Variants in CAGE1 observed in about 807,000 individuals in gnomAD.
CAGE1 encodes cancer antigen 1, also known as cancer-associated gene 1 protein.
A neutral mutation model predicts 94.9 loss-of-function variants in CAGE1; 66 were observed. The ratio of observed to expected loss-of-function variants is 0.70; its 90% CI spans 0.57 to 0.85. CAGE1 has a LOEUF of 0.85. Ranked by LOEUF, CAGE1 falls within the 40% of genes least tolerant of loss-of-function variation. The pLI is 0.00. For synonymous variants in CAGE1, 319 were observed against 321.0 expected (o/e 0.99, Z 0.07); for missense variants, 865 against 950.4 (o/e 0.91, Z 1.18).
At chr6:7,385,712 G>T in intron 3 of CAGE1, 73 bp downstream of exon 3, 1 of 785,348 alleles carries the variant, frequency 1.3e-6, no homozygotes, top group Non-Finnish European at 2.0e-6. Context: ...CACAAAACCT[G>T]GCTATTGTTA....
chr6:7,354,138 C>A (rs1759874885), intron 11 of CAGE1, among the ~76,000 whole-genome samples: 1 of 151,954 alleles, frequency 6.6e-6, no homozygotes, highest in Middle Eastern at 3.4e-3. Flanking sequence ...TGAGGCAAAG[C>A]AATATCAGCA....
intron 2 of CAGE1, among the ~76,000 whole-genome samples, chr6:7,386,428 C>T (rs1761123033): frequency 6.6e-6 from 1 of 152,132 alleles, no homozygotes; most frequent in Non-Finnish European, 1.5e-5. Flanking sequence ...CATTTATATG[C>T]AGGGTGCTGT....
rs371037742 is a variant in CAGE1, at chr6:7,378,782, A to C, written c.522T>G (p.Asn174Lys). The change falls in exon 4 of 14, where the codon AAT becomes AAG. Residue 174 changes from asparagine to lysine, a missense_variant. Transcript: ENST00000502583. ...AATACTCGTTACCAAGTTGGTCTGT[A>C]TTTGCAGAAACACTAGTTTCCATTG... ...ENPMETSVSA[N>K]TDQLGNEYFR... is the part of the protein sequence containing the mutation. The C allele has an allele frequency of 2.9e-5, 46 of 1,613,788 alleles. No individual in the cohort carries two copies. The highest frequency in any genetic ancestry group is 1.1e-5 in the South Asian group (1 of 91,078).
rs1561862810 is a variant in CAGE1 at position 7,369,956 on chromosome 6, CTG to C, written c.1854_1855del (p.His618GlnfsTer19). 8.7e-6 allele frequency: 14 copies of C among 1,613,776 alleles called. No homozygotes were observed. The highest frequency in any genetic ancestry group is 1.1e-5 in the South Asian group (1 of 91,058). The stretch of plus-strand genomic sequence containing the variant: ...AAGTCCCACCATCAGAGCCAGAAGA[CTG>C]TGCATTTTGGAGGCCAGCTGAGAAG... On this transcript the variant is annotated frameshift_variant, in exon 6 of 14. Coordinates refer to ENST00000502583, the MANE Select transcript of CAGE1 (RefSeq NM_001170692.2). LOFTEE classifies it high-confidence loss of function.
chr6:7,373,548 T>C lies in CAGE1; in HGVS notation c.1271A>G (p.Tyr424Cys), dbSNP rs773283429. The C allele has an allele frequency of 5.0e-6, 8 of 1,613,650 alleles. No individual in the cohort carries two copies. In the South Asian group the frequency reaches 6.6e-5, roughly 13 times the overall value. ...KANYVCLQER[Y>C]MTEMQQKNKS... Reference sequence around the variant, plus strand: ...ATTTTTTTGTTGCATTTCAGTCATGTACCTTTCCTGTAAACACACATAATT... The same window carrying C: ...ATTTTTTTGTTGCATTTCAGTCATGCACCTTTCCTGTAAACACACATAATT... Residue 424 changes from tyrosine (Y) to cysteine (C), a missense_variant, in exon 5 of 14, where the codon TAC becomes TGC. Coordinates refer to ENST00000502583, the MANE Select transcript of CAGE1 (RefSeq NM_001170692.2).
At chr6:7,332,378 G>A (rs1758788553) in intron 12 of CAGE1, among the ~76,000 whole-genome samples, 1 of 152,182 alleles carries the variant, frequency 6.6e-6, no homozygotes, top group South Asian at 2.1e-4. Context: ...TACTCTATCA[G>A]CCCCGAAGAA....
chr6:7,336,800 G>A (rs10458209), intron 11 of CAGE1, among the ~76,000 whole-genome samples: 37,848 of 151,928 alleles, frequency 0.25, 4,909 homozygotes, highest in Middle Eastern at 0.31. Context: ...ATCAGCCACC[G>A]CACGCAGCTG....
At chr6:7,342,254 C>A (rs1236404697) in intron 11 of CAGE1, among the ~76,000 whole-genome samples, 1 of 152,172 alleles carries the variant, frequency 6.6e-6, no homozygotes, top group Non-Finnish European at 1.5e-5. Context: ...CCACTTATGG[C>A]CCCAGACTAT....
chr6:7,345,339 G>A (rs1162990941), intron 11 of CAGE1, among the ~76,000 whole-genome samples: 1 of 148,748 alleles, frequency 6.7e-6, no homozygotes, highest in African/African-American at 2.5e-5. Context: ...AAACCCAGCA[G>A]GATGAAAGAA....
intron 10 of CAGE1, among the ~76,000 whole-genome samples, chr6:7,355,793 G>A (rs1300593832): frequency 6.6e-6 from 1 of 152,176 alleles, no homozygotes; most frequent in Non-Finnish European, 1.5e-5. Context: ...CTTGAGACCA[G>A]GAGGTTGAGA....
At position 7,341,541 on chromosome 6, in the gene CAGE1, A is replaced by C; in HGVS notation, c.2370-7451T>G. The C allele has an allele frequency of 4.9e-6, 6 of 1,226,746 alleles. 1 individual carries two copies. In the South Asian group the frequency reaches 7.2e-5, roughly 15 times the overall value. 76.0% of individuals were successfully genotyped at this position (1,226,746 alleles called of 1,614,324 possible). ...GAAGATTCTGAGGGTTGATTAGCAC[A>C]AGGCCTCGGACCTTTTTCCTCTCAG... On this transcript the variant is annotated intron_variant, in intron 11 of 13. Transcript: ENST00000502583.
At chr6:7,368,857 C>A (rs1760443284) in intron 6 of CAGE1, 59 bp from the exon 7 acceptor site, 2 of 958,604 alleles carry the variant, frequency 2.1e-6, no homozygotes, top group Non-Finnish European at 3.1e-6. Context: ...TAAAATGAGG[C>A]CAAAACTATG....
In CAGE1 at chr6:7,360,342, G is replaced by C. The variant is rs535077349; in HGVS notation, c.2194-4213C>G. On this transcript the variant is annotated intron_variant, in intron 9 of 13. Coordinates refer to ENST00000502583, the MANE Select transcript of CAGE1 (RefSeq NM_001170692.2). ...GTTACTGAGGCCCTCTATGATTTGA[G>C]GTGCCAGGCCAGGTGGCCTGGCCAT... is the stretch of plus-strand genomic sequence containing the variant. Among the ~76,000 whole-genome samples, 7 of 152,248 alleles carry C rather than the reference G, an allele frequency of 4.6e-5. No individual in the cohort carries two copies. In the South Asian group the frequency reaches 6.2e-4, roughly 14 times the overall value.
intron 9 of CAGE1, among the ~76,000 whole-genome samples, chr6:7,360,536 G>A (rs753308756): frequency 6.6e-6 from 1 of 152,152 alleles, no homozygotes; most frequent in Non-Finnish European, 1.5e-5. Context: ...CATGAACAGT[G>A]GATAAATCAG....
At chr6:7,336,583 C>T (rs1463311500) in intron 11 of CAGE1, among the ~76,000 whole-genome samples, 2 of 152,184 alleles carry the variant, frequency 1.3e-5, no homozygotes, top group Non-Finnish European at 2.9e-5. Flanking sequence ...AATCTCAGCT[C>T]ACTGCAACCT....
Position 7,373,071 on chromosome 6 carries a change from A to G in CAGE1, c.1746+2T>C. On this transcript the variant is annotated splice_donor_variant, in intron 5 of 13. Coordinates refer to ENST00000502583, the MANE Select transcript of CAGE1 (RefSeq NM_001170692.2). LOFTEE classifies it high-confidence loss of function. ...TTAGAGATTTAGAATGTGTATCAAT[A>G]CCTTGGTAATATCTGACTTCAAGAC... The G allele has an allele frequency of 6.3e-7, 1 of 1,587,496 alleles. No homozygotes were observed. Among genetic ancestry groups the G allele is most frequent in the Non-Finnish European group, 8.6e-7 (1 of 1,166,070 alleles).
chr6:7,385,102 T>C (rs1363853499), intron 3 of CAGE1, among the ~76,000 whole-genome samples: 1 of 152,032 alleles, frequency 6.6e-6, no homozygotes, highest in Admixed American at 6.6e-5. Flanking sequence ...ACCTCCTGGG[T>C]TCAAGGGAGT....
intron 13 of CAGE1, chr6:7,328,948 T>TTTG (rs1758640884): frequency 2.0e-5 from 3 of 149,948 alleles, no homozygotes; most frequent in East Asian, 1.9e-4. Context: ...TTTTTTTTTT[T>TTTG]TGAGATAGAG....
intron 7 of CAGE1, among the ~76,000 whole-genome samples, chr6:7,367,214 T>C (rs1581687624): frequency 6.6e-6 from 1 of 151,236 alleles, no homozygotes; most frequent in Non-Finnish European, 1.5e-5. Flanking sequence ...CTGTCAATAC[T>C]TCAGTAATTA....
Sources: gnomAD v4.1 joint callset for allele counts (sites outside exome capture counted in the v4.1 genomes callset) on GRCh38, gnomAD v4.1.1 for gene constraint, MANE v1.5 for transcripts, NCBI Gene and HGNC (gene_info 2026-07-23, HGNC 2026-07-21) for gene names.